PAK1: variants seen among roughly 807,000 people sequenced by gnomAD.
PAK1 encodes the protein p21 (RAC1) activated kinase 1, also known as serine/threonine-protein kinase PAK 1.
In PAK1, 29 loss-of-function variants were observed where a neutral mutation model predicts 67.4. The ratio of observed to expected loss-of-function variants is 0.43; its 90% CI spans 0.32 to 0.59. The LOEUF (loss-of-function observed/expected upper bound fraction) is 0.59, where lower values mean the gene tolerates loss of function less well. PAK1 is among the 20% of genes least tolerant of loss of function. PAK1 has a pLI of 0.07. For synonymous variants in PAK1, 223 were observed against 237.4 expected, an observed-to-expected ratio of 0.94 and a Z score of 0.56; for missense variants, 337 against 670.7, an observed-to-expected ratio of 0.50 and a Z score of 5.50.
chr11:77,487,016 A>G, the PAK1 span, among the ~76,000 whole-genome samples: 1 of 152,192 alleles, frequency 6.6e-6, no homozygotes, highest in African/African-American at 2.4e-5. Flanking sequence ...ACCAGGCAGC[A>G]CAGCTCATGG....
chr11:77,378,582 T>C (rs1192635755), intron 4 of PAK1, among the ~76,000 whole-genome samples: 2 of 152,180 alleles, frequency 1.3e-5, no homozygotes, highest in Non-Finnish European at 1.5e-5. Context: ...AGCTCACTTA[T>C]TTCTCACTAT....
the PAK1 span, among the ~76,000 whole-genome samples, chr11:77,487,279 T>C: frequency 6.6e-6 from 1 of 152,168 alleles, no homozygotes. Flanking sequence ...TATACAGTCC[T>C]TGGGTCCTGA....
At chr11:77,458,530 A>G (rs935906814) in intron 1 of PAK1, among the ~76,000 whole-genome samples, 2 of 152,210 alleles carry the variant, frequency 1.3e-5, no homozygotes, top group African/African-American at 4.8e-5. Context: ...GCCATTATCC[A>G]ATATTGCCTT....
intron 1 of PAK1, among the ~76,000 whole-genome samples, chr11:77,393,279 A>G (rs555599693): frequency 7.6e-6 from 1 of 132,356 alleles, no homozygotes; most frequent in East Asian, 2.1e-4. Flanking sequence ...GTTCTTTAAA[A>G]AAAAAAAGAG....
At chr11:77,485,539 A>T in the PAK1 span, among the ~76,000 whole-genome samples, 1 of 152,124 alleles carries the variant, frequency 6.6e-6, no homozygotes, top group East Asian at 1.9e-4. Context: ...GCAATGGCGC[A>T]ATCTCAGCTC....
At chr11:77,513,209 C>T in the PAK1 span, among the ~76,000 whole-genome samples, 1 of 152,160 alleles carries the variant, frequency 6.6e-6, no homozygotes, top group African/African-American at 2.4e-5. Context: ...TCATTTTTCT[C>T]ATTTGTATCA....
At chr11:77,392,020 A>C (rs1951202854) in intron 2 of PAK1, among the ~76,000 whole-genome samples, 1 of 152,222 alleles carries the variant, frequency 6.6e-6, no homozygotes, top group Non-Finnish European at 1.5e-5. Context: ...AAGACATTTC[A>C]ATTTTTCTTA....
At chr11:77,347,175 C>A (rs1944560001) in intron 9 of PAK1, 2 of 431,042 alleles carry the variant, frequency 4.6e-6, no homozygotes, top group Admixed American at 5.2e-5. Context: ...GACACGCATA[C>A]AATGAATTTA....
intron 1 of PAK1, among the ~76,000 whole-genome samples, chr11:77,443,245 G>A (rs1455574599): frequency 6.6e-6 from 1 of 151,442 alleles, no homozygotes; most frequent in Non-Finnish European, 1.5e-5. Flanking sequence ...AACCCAGGAG[G>A]CAGAGGTTGC....
intron 2 of PAK1, among the ~76,000 whole-genome samples, chr11:77,381,188 G>A (rs1229908054): frequency 1.3e-5 from 2 of 151,330 alleles, no homozygotes. Context: ...GAGAGAGAGA[G>A]AGAAAGAGAG....
chr11:77,474,439 G>C (rs888921336), upstream of PAK1: 1 of 152,238 alleles, frequency 6.6e-6, no homozygotes, highest in African/African-American at 2.4e-5. Context: ...TCGGTCCGCT[G>C]TCCGTGGCGG....
rs1263681328 is a variant in PAK1 at position 77,473,539 on chromosome 11, G to C, written c.-22+13C>G. 3.9e-5 allele frequency: 6 copies of C among 152,958 alleles called. No homozygotes were observed. In the East Asian group the frequency reaches 1.2e-3, roughly 30 times the overall value. The allele number at this position is 152,958 out of a possible 1,614,324, so 9.5% of individuals were successfully genotyped here. A position where few individuals can be genotyped will look rare whatever the true frequency, so the allele number is the denominator to read the frequency against. ...GGGACGCGAGGGGTACTGGGCGGTAGGCCCGCTCTCACCTTCCGCGCTCGC... is the reference window on the plus strand; with the variant it reads ...GGGACGCGAGGGGTACTGGGCGGTACGCCCGCTCTCACCTTCCGCGCTCGC... On this transcript the variant is annotated intron_variant, in intron 1 of 14. Transcript: ENST00000356341.
chr11:77,526,618 A>C, the PAK1 span, among the ~76,000 whole-genome samples: 1 of 152,254 alleles, frequency 6.6e-6, no homozygotes, highest in Non-Finnish European at 1.5e-5. Context: ...ATTTATAGAC[A>C]TAAAGAAAAA....
the PAK1 span, among the ~76,000 whole-genome samples, chr11:77,485,343 G>A: frequency 6.6e-6 from 1 of 152,116 alleles, no homozygotes; most frequent in African/African-American, 2.4e-5. Flanking sequence ...TAACATAAAG[G>A]ACGAATGCTT....
chr11:77,411,624 C>T (rs760054835), intron 1 of PAK1: 4 of 152,272 alleles, frequency 2.6e-5, no homozygotes, highest in Non-Finnish European at 5.9e-5. Context: ...CACCCTCAGC[C>T]CTTTCTCTCA....
At chr11:77,515,951 C>T in the PAK1 span, among the ~76,000 whole-genome samples, 4 of 152,126 alleles carry the variant, frequency 2.6e-5, no homozygotes, top group East Asian at 1.9e-4. Context: ...AAATGCTGCA[C>T]GTCTAGTGGA....
At chr11:77,501,162 C>CAAAAAAA in the PAK1 span, among the ~76,000 whole-genome samples, 1 of 146,022 alleles carries the variant, frequency 6.8e-6, no homozygotes, top group Non-Finnish European at 1.5e-5. Context: ...AAAAAAAAAA[C>CAAAAAAA]AAAAAACAAA....
intron 1 of PAK1, among the ~76,000 whole-genome samples, chr11:77,408,544 C>CACAT (rs1953998117): frequency 6.6e-6 from 1 of 151,232 alleles, no homozygotes; most frequent in East Asian, 1.9e-4. Flanking sequence ...CACACACACA[C>CACAT]ACACACACAC....
chr11:77,488,602 T>A, the PAK1 span, among the ~76,000 whole-genome samples: 2 of 151,994 alleles, frequency 1.3e-5, no homozygotes, highest in African/African-American at 2.4e-5. Flanking sequence ...GAGATTGAAA[T>A]AACTTAAAAG....
Sources: allele counts gnomAD v4.1 joint callset (sites outside exome capture counted in the v4.1 genomes callset), GRCh38; gene constraint gnomAD v4.1.1; transcripts MANE v1.5; gene names NCBI Gene and HGNC (gene_info 2026-07-23, HGNC 2026-07-21).